PAX6: variants seen among roughly 807,000 people sequenced by gnomAD.
PAX6 encodes the protein paired box 6.
Under a neutral mutation model 60.7 loss-of-function variants are expected in PAX6, and 7 were observed. That is an observed-to-expected ratio of 0.12 (90% CI 0.07 to 0.22). PAX6 has a LOEUF of 0.22. Ranked by LOEUF, PAX6 falls within the 10% of genes least tolerant of loss-of-function variation. PAX6 has a pLI of 1.00. For missense variants in PAX6, 355 were observed against 555.2 expected, an observed-to-expected ratio of 0.64 and a Z score of 3.62; for synonymous variants, 208 against 201.2, an observed-to-expected ratio of 1.03 and a Z score of -0.29.
intron 1 of PAX6, chr11:31,816,464 G>T: frequency 1.5e-6 from 1 of 685,846 alleles, no homozygotes; most frequent in South Asian, 1.5e-5. Context: ...TTCTCGCCGT[G>T]ACAGCCGAAT....
At chr11:31,814,727 C>G (rs1957289170), upstream of PAX6, 1 of 152,500 alleles carries the variant, frequency 6.6e-6, no homozygotes, top group South Asian at 2.1e-4. Context: ...TGGTGCCTCC[C>G]CCACTTCCAG....
rs576507056 is a variant in PAX6, at chr11:31,810,538, T to C, written c.-129+290A>G. 965 of 236,544 alleles carry C rather than the reference T, an allele frequency of 4.1e-3. 10 individuals carry two copies. Among genetic ancestry groups the C allele is most frequent in the African/African-American group, 0.02 (871 of 44,438 alleles). 14.7% of individuals were successfully genotyped at this position (236,544 alleles called of 1,614,324 possible). On this transcript the variant is annotated intron_variant, in intron 2 of 13. Coordinates refer to ENST00000640368, the MANE Select transcript of PAX6 (RefSeq NM_001368894.2). ...CTGCTGTCGCGCCTGGAGTCTCCCTTCTTCCCGCGAGCTCAGCCCGCGCTG... is the reference window on the plus strand; with the variant it reads ...CTGCTGTCGCGCCTGGAGTCTCCCTCCTTCCCGCGAGCTCAGCCCGCGCTG...
At chr11:31,790,902 TCA>T in intron 12 of PAX6, 42 bp from the exon 13 acceptor site, 1 of 1,605,172 alleles carries the variant, frequency 6.2e-7, no homozygotes, top group Non-Finnish European at 8.5e-7. Flanking sequence ...GAGGAACACA[TCA>T]CACAGCCACA....
At chr11:31,815,792 T>A (rs917758213), upstream of PAX6, among the ~76,000 whole-genome samples, 1 of 149,806 alleles carries the variant, frequency 6.7e-6, no homozygotes, top group African/African-American at 2.5e-5. Flanking sequence ...AAAAAAGTAT[T>A]TTCAATTTGA....
intron 3 of PAX6, 31 bp from the exon 4 acceptor site, chr11:31,806,493 G>A (rs1198276970): frequency 1.3e-6 from 2 of 1,539,746 alleles, no homozygotes; most frequent in Non-Finnish European, 8.8e-7. Context: ...GTTAATCCTC[G>A]GGCAGCTGCA....
At chr11:31,815,529 G>C (rs566536988), upstream of PAX6, among the ~76,000 whole-genome samples, 17 of 152,228 alleles carry the variant, frequency 1.1e-4, no homozygotes, top group East Asian at 7.8e-4. Context: ...GCTGGGGAGG[G>C]GGAGGGAGCA....
At chr11:31,794,350 T>G (rs1042616784) in intron 9 of PAX6, 17 of 618,022 alleles carry the variant, frequency 2.8e-5, no homozygotes, top group Non-Finnish European at 4.3e-5. Flanking sequence ...AATCATCATT[T>G]TTCCTTATAA....
rs1592634993 is a variant in PAX6, at chr11:31,808,819, G to T, written c.-128-1894C>A. On this transcript the variant is annotated intron_variant, in intron 2 of 13. Coordinates refer to ENST00000640368, the MANE Select transcript of PAX6 (RefSeq NM_001368894.2). ...ACTAAGTGCAGAAGCAACCCGGGAA[G>T]TGGGGCACATCGACACCCGGAAGCA... 2.0e-5 allele frequency: 3 copies of T among 152,366 alleles called. No individual in the cohort carries two copies. In the Middle Eastern group the frequency reaches 0.01, roughly 515 times the overall value. The allele number at this position is 152,366 out of a possible 1,614,324, so 9.4% of individuals were successfully genotyped here. A position where few individuals can be genotyped will look rare whatever the true frequency, so the allele number is the denominator to read the frequency against.
chr11:31,790,534 A>G, intron 13 of PAX6, 176 bp downstream of exon 13: 3 of 970,932 alleles, frequency 3.1e-6, no homozygotes, highest in Non-Finnish European at 3.7e-6. Flanking sequence ...TTTTGTCTAT[A>G]TGGTGTAAAG....
chr11:31,813,555 C>T (rs898395417), upstream of PAX6, among the ~76,000 whole-genome samples: 1 of 152,070 alleles, frequency 6.6e-6, no homozygotes, highest in African/African-American at 2.4e-5. Flanking sequence ...TGAATCAGCT[C>T]CTTCTCCCAC....
At chr11:31,803,640 C>T (rs1592575449) in intron 4 of PAX6, 1 of 152,554 alleles carries the variant, frequency 6.6e-6, no homozygotes, top group East Asian at 1.9e-4. Context: ...CAGACAAGTC[C>T]GGCCACCGCA....
chr11:31,805,697 T>A (rs1955569715), intron 4 of PAX6: 1 of 152,400 alleles, frequency 6.6e-6, no homozygotes, highest in Non-Finnish European at 1.5e-5. Flanking sequence ...AGCAGGGAGG[T>A]ACAAGGGCCA....
chr11:31,811,556 G>C, upstream of PAX6: 1 of 233,474 alleles, frequency 4.3e-6, no homozygotes, highest in Non-Finnish European at 8.3e-6. Flanking sequence ...CGCACGCCGA[G>C]ATTCGGCGCG....
chr11:31,794,399 G>T, intron 9 of PAX6: 1 of 577,696 alleles, frequency 1.7e-6, no homozygotes, highest in Non-Finnish European at 3.0e-6. Context: ...TAGATGAAAA[G>T]AAGAAACACA....
At chr11:31,811,327 G>T, upstream of PAX6, 1 of 398,396 alleles carries the variant, frequency 2.5e-6, no homozygotes, top group Non-Finnish European at 4.4e-6. Flanking sequence ...ACATGCAAAT[G>T]CACCGCTCGC....
Position 31,794,725 on chromosome 11 carries a change from T to A in PAX6, c.629A>T (p.Asp210Val). The A allele has an allele frequency of 1.2e-6, 2 of 1,614,190 alleles. No individual in the cohort carries two copies. The highest frequency in any genetic ancestry group is 1.7e-6 in the Non-Finnish European group (2 of 1,179,998). Residue 210 changes from aspartate (D) to valine (V), a missense_variant, in exon 9 of 14, where the codon GAT becomes GTT. Around this residue, in one of 5 missense-constraint regions of PAX6, gnomAD observed 143 missense variants for 183.6 expected, o/e 0.78. Coordinates refer to ENST00000640368, the MANE Select transcript of PAX6 (RefSeq NM_001368894.2). ...AAGTCGCATTTGAGCCTCATCTGAA[T>A]CTTCTCCGTTGGAACTGATGGAGTT... ...NTNSISSNGE[D>V]SDEAQMRLQL...
Position 31,789,349 on chromosome 11 carries a change from T to G in PAX6, c.*585A>C, listed in dbSNP as rs1384904968. On this transcript the variant is annotated 3_prime_UTR_variant, in exon 14 of 14. Transcript: ENST00000640368. ...TTTTTTTCTTCCTTGAATTTATATC[T>G]TACCCTTTTTTGCACATAAACTTCA... The G allele has an allele frequency of 7.4e-6, 2 of 270,528 alleles. No individual in the cohort carries two copies. The highest frequency in any genetic ancestry group is 4.3e-5 in the African/African-American group (2 of 46,256). 16.8% of individuals were successfully genotyped at this position (270,528 alleles called of 1,614,324 possible).
At chr11:31,816,397 G>C (rs1024292702) in intron 1 of PAX6, 9 of 613,718 alleles carry the variant, frequency 1.5e-5, no homozygotes, top group African/African-American at 3.7e-5. Flanking sequence ...GGAGGTCCTC[G>C]GCTCGCCCTG....
In PAX6 at chr11:31,811,149, G is replaced by A. The variant is rs554816879; in HGVS notation, c.-351C>T. The stretch of plus-strand genomic sequence containing the variant: ...TTGGTGATGGCTCAAGTGTGTTAAT[G>A]TGTGTGTGCCGGCGCCCGGCCTCGC... On this transcript the variant is annotated 5_prime_UTR_variant, in exon 1 of 14. Coordinates refer to ENST00000640368, the MANE Select transcript of PAX6 (RefSeq NM_001368894.2). 5.0e-6 allele frequency: 2 copies of A among 399,326 alleles called. No homozygotes were observed. Among genetic ancestry groups the A allele is most frequent in the South Asian group, 1.3e-4 (1 of 7,862 alleles). The allele number at this position is 399,326 out of a possible 1,614,324, so 24.7% of individuals were successfully genotyped here.
Sources: gnomAD v4.1 joint callset for allele counts (sites outside exome capture counted in the v4.1 genomes callset) on GRCh38, gnomAD v4.1.1 for gene constraint, gnomAD v4.1.1 regional missense constraint, MANE v1.5 for transcripts, NCBI Gene and HGNC (gene_info 2026-07-23, HGNC 2026-07-21) for gene names.